VTCN1: variants seen among roughly 807,000 people sequenced by gnomAD.
VTCN1 encodes V-set domain containing T cell activation inhibitor 1.
VTCN1 carries 26 observed loss-of-function variants against 26.5 expected under a neutral mutation model. The ratio of observed to expected loss-of-function variants is 0.98; its 90% CI spans 0.72 to 1.36. The LOEUF (loss-of-function observed/expected upper bound fraction) is 1.36, where lower values mean the gene tolerates loss of function less well. Ranked by LOEUF, VTCN1 falls within the 40% of genes most tolerant of loss-of-function variation. The probability of loss-of-function intolerance (pLI) is 0.00; values close to 1 mark genes in which losing one functional copy is unlikely to be tolerated. For synonymous variants in VTCN1, 116 were observed against 130.7 expected, an observed-to-expected ratio of 0.89 and a Z score of 0.77; for missense variants, 298 against 337.7, an observed-to-expected ratio of 0.88 and a Z score of 0.92.
chr1:117,198,508 C>T (rs9660576), intron 1 of VTCN1, among the ~76,000 whole-genome samples: 1,960 of 152,298 alleles, frequency 0.013, 45 homozygotes, highest in African/African-American at 0.045. Flanking sequence ...CTGTCTTAGA[C>T]ATTTGGCTCC....
chr1:117,177,801 T>A (rs1215070663), intron 1 of VTCN1, among the ~76,000 whole-genome samples: 1 of 152,050 alleles, frequency 6.6e-6, no homozygotes, highest in African/African-American at 2.4e-5. Context: ...TTTCATCTTG[T>A]ATGCCAACAA....
At chr1:117,204,736 T>G (rs1432863123) in intron 1 of VTCN1, among the ~76,000 whole-genome samples, 2 of 151,924 alleles carry the variant, frequency 1.3e-5, no homozygotes, top group African/African-American at 2.4e-5. Flanking sequence ...TGTGGTGGCA[T>G]GCACCTGTAG....
rs757377781 is a variant in VTCN1, at chr1:117,160,771, A to C, written c.98-3850T>G. ...AATGTGAGAGGTAAACATTATCAAC[A>C]TAAGGATATCCTTGGCTCTTCTCCT... On this transcript the variant is annotated intron_variant, in intron 2 of 5. Transcript: ENST00000369458. 3.6e-4 allele frequency among the ~76,000 whole-genome samples: 55 copies of C among 152,230 alleles called. 1 individual carries two copies. Among genetic ancestry groups the C allele is most frequent in the Non-Finnish European group, 1.9e-4 (13 of 68,036 alleles).
chr1:117,156,419 G>A (rs1652070763), intron 3 of VTCN1, among the ~76,000 whole-genome samples, 155 bp downstream of exon 3: 2 of 152,184 alleles, frequency 1.3e-5, no homozygotes, highest in South Asian at 4.1e-4. Flanking sequence ...TGGGGTTGGT[G>A]TGAGTCTTGG....
chr1:117,180,943 G>A (rs1647642730), intron 1 of VTCN1, among the ~76,000 whole-genome samples: 1 of 152,204 alleles, frequency 6.6e-6, no homozygotes, highest in South Asian at 2.1e-4. Flanking sequence ...AGAGAACCCG[G>A]CATTTCCTAA....
At position 117,147,901 on chromosome 1, in the gene VTCN1, A is replaced by T; in HGVS notation, c.725-119T>A. On this transcript the variant is annotated intron_variant, in intron 4 of 5. Coordinates refer to ENST00000369458, the MANE Select transcript of VTCN1 (RefSeq NM_024626.4). This position sits in a 1 kb window ranked among gnomAD's most constrained non-coding sequence, Gnocchi z 4.6. ...GAACAAGTTGTTCCTAATTCAGGCA[A>T]TTTTTTACCCCTTTGCCCACCTCTC... The T allele has an allele frequency of 2.9e-6, 4 of 1,361,668 alleles. No individual in the cohort carries two copies. The highest frequency in any genetic ancestry group is 2.4e-5 in the Admixed American group (1 of 42,034). The allele number at this position is 1,361,668 out of a possible 1,614,324, so 84.3% of individuals were successfully genotyped here. A position where few individuals can be genotyped will look rare whatever the true frequency, so the allele number is the denominator to read the frequency against.
chr1:117,207,071 G>C (rs1293103326), intron 1 of VTCN1, among the ~76,000 whole-genome samples: 1 of 152,094 alleles, frequency 6.6e-6, no homozygotes, highest in Non-Finnish European at 1.5e-5. Context: ...ATGGTGTTGC[G>C]AGGCACTGTT....
intron 3 of VTCN1, 98 bp downstream of exon 3, chr1:117,156,476 G>C: frequency 1.6e-6 from 2 of 1,279,340 alleles, no homozygotes; most frequent in Non-Finnish European, 2.1e-6. Flanking sequence ...GAGCATCATT[G>C]TCTGATATTG....
intron 4 of VTCN1, among the ~76,000 whole-genome samples, chr1:117,151,196 A>G (rs1351124219): frequency 7.0e-6 from 1 of 142,868 alleles, no homozygotes; most frequent in Non-Finnish European, 1.5e-5. Context: ...TGAGTGTTAC[A>G]GTTCTTTTTT....
In VTCN1 at chr1:117,159,505, T is replaced by C. The variant is rs1198400672; in HGVS notation, c.98-2584A>G. The stretch of plus-strand genomic sequence containing the variant: ...TCCCTCCCACAACACATGGGAATTA[T>C]GGGAGTATAATTTAAGATGAGATTT... On this transcript the variant is annotated intron_variant, in intron 2 of 5. Coordinates refer to ENST00000369458, the MANE Select transcript of VTCN1 (RefSeq NM_024626.4). The surrounding 1 kb of genome is among the most constrained non-coding windows in gnomAD (Gnocchi z 4.7). 6.6e-6 allele frequency among the ~76,000 whole-genome samples: 1 copy of C among 152,232 alleles called. No individual in the cohort carries two copies. The highest frequency in any genetic ancestry group is 1.5e-5 in the Non-Finnish European group (1 of 68,036).
At chr1:117,188,366 T>C (rs1420808339) in intron 1 of VTCN1, among the ~76,000 whole-genome samples, 1 of 152,000 alleles carries the variant, frequency 6.6e-6, no homozygotes, top group Admixed American at 6.6e-5. Context: ...TCCTCACCAA[T>C]AGGAATAACC....
chr1:117,188,860 T>A (rs1336405716), intron 1 of VTCN1, among the ~76,000 whole-genome samples: 1 of 152,250 alleles, frequency 6.6e-6, no homozygotes, highest in Non-Finnish European at 1.5e-5. Flanking sequence ...GGTCGTTTTA[T>A]GTGAACAATT....
At chr1:117,173,129 A>T (rs753098422) in intron 1 of VTCN1, 1 of 713,360 alleles carries the variant, frequency 1.4e-6, no homozygotes, top group Non-Finnish European at 2.6e-6. Flanking sequence ...AGGGAGGAGC[A>T]AACAACTCCG....
intron 1 of VTCN1, among the ~76,000 whole-genome samples, chr1:117,195,817 C>T (rs1039667641): frequency 6.6e-6 from 1 of 152,094 alleles, no homozygotes; most frequent in African/African-American, 2.4e-5. Context: ...ACAGAATCAA[C>T]AGGATACATT....
At position 117,146,688 on chromosome 1, in the gene VTCN1, T is replaced by C. The variant is rs1472478270; in HGVS notation, c.*45+925A>G. ...AGCAGGTAGTGGTAGGCAGCAGTAG[T>C]GGTAGGTAGTAATGGTGGGTAGGTA... On this transcript the variant is annotated intron_variant, in intron 5 of 5. Coordinates refer to ENST00000369458, the MANE Select transcript of VTCN1 (RefSeq NM_024626.4). This position sits in a 1 kb window ranked among gnomAD's most constrained non-coding sequence, Gnocchi z 4.2. Among the ~76,000 whole-genome samples the C allele has an allele frequency of 1.3e-5, 2 of 151,920 alleles. No individual in the cohort carries two copies. The highest frequency in any genetic ancestry group is 1.3e-4 in the Admixed American group (2 of 15,250).
rs149007158 is a variant in VTCN1 at position 117,203,150 on chromosome 1, G to A, written c.32+7674C>T. Among the ~76,000 whole-genome samples the A allele has an allele frequency of 5.7e-3, 863 of 152,120 alleles. 10 individuals are homozygous for A. Among genetic ancestry groups the A allele is most frequent in the African/African-American group, 0.02 (819 of 41,476 alleles). ...AAAAAGGGCACCCAGTGAGGGTAGC[G>A]GGTAGTTTTGGATGTGAAAAGATGA... On this transcript the variant is annotated intron_variant, in intron 1 of 5. Coordinates refer to ENST00000369458, the MANE Select transcript of VTCN1 (RefSeq NM_024626.4).
chr1:117,153,225 G>A lies in VTCN1; in HGVS notation c.590C>T (p.Thr197Ile), dbSNP rs1651890004. ...ATTCTCAGAGTTCAGCTCAAAGCTG[G>A]TATTGGAGACTTCCGAGAAGTTGGC... ...QGANFSEVSN[T>I]SFELNSENVT... Residue 197 changes from threonine to isoleucine, a missense_variant, in exon 4 of 6, where the codon ACC becomes ATC. Transcript: ENST00000369458. 6.2e-7 allele frequency: 1 copy of A among 1,614,106 alleles called. No homozygotes were observed. Among genetic ancestry groups the A allele is most frequent in the African/African-American group, 1.3e-5 (1 of 75,032 alleles).
rs1180208013 is a variant in VTCN1, at chr1:117,159,160, G to A, written c.98-2239C>T. On this transcript the variant is annotated intron_variant, in intron 2 of 5. Transcript: ENST00000369458. The surrounding 1 kb of genome is among the most constrained non-coding windows in gnomAD (Gnocchi z 4.7). ...GTTCCAAAGTTGCTTCCACATTTTT[G>A]GGTATCTTTTCAGCAGTGCCCCACT... 6.6e-6 allele frequency among the ~76,000 whole-genome samples: 1 copy of A among 152,122 alleles called. No homozygotes were observed. The highest frequency in any genetic ancestry group is 2.4e-5 in the African/African-American group (1 of 41,396).
intron 3 of VTCN1, among the ~76,000 whole-genome samples, chr1:117,154,783 C>CAAAAAAAAAAAAAAAAAAAAAAAAAAAAA (rs916361996): frequency 5.0e-5 from 2 of 39,896 alleles, no homozygotes; most frequent in East Asian, 7.6e-4. Context: ...AACTCCATCT[C>CAAAAAAAAAAAAAAAAAAAAAAAAAAAAA]AAAAAAAAAA....
Sources: gnomAD v4.1 joint callset for allele counts (sites outside exome capture counted in the v4.1 genomes callset) on GRCh38, gnomAD v4.1.1 for gene constraint, Gnocchi (gnomAD v3.1) non-coding constraint, MANE v1.5 for transcripts, NCBI Gene and HGNC (gene_info 2026-07-23, HGNC 2026-07-21) for gene names.